MEGF8: variants seen among roughly 807,000 people sequenced by gnomAD.
MEGF8 encodes multiple EGF like domains 8, also known as multiple epidermal growth factor-like domains protein 8.
A neutral mutation model predicts 302.9 loss-of-function variants in MEGF8; 156 were observed. That is an observed-to-expected ratio of 0.52 (90% CI 0.45 to 0.59). The LOEUF is 0.59. Ranked by LOEUF, MEGF8 falls within the 20% of genes least tolerant of loss-of-function variation. MEGF8 has a pLI of 0.00. For missense variants in MEGF8, 3,345 were observed against 3,964.5 expected (o/e 0.84, Z 4.20); for synonymous variants, 1,621 against 1,660.5 (o/e 0.98, Z 0.58).
At chr19:42,370,595 C>T (rs2039671721) in intron 39 of MEGF8, 106 bp from the exon 40 acceptor site, 2 of 1,329,706 alleles carry the variant, frequency 1.5e-6, no homozygotes, top group South Asian at 1.4e-5. Context: ...GGAGCCTGGC[C>T]TCCTGGGTCT....
At chr19:42,341,074 T>TCC (rs934554235) in intron 8 of MEGF8, among the ~76,000 whole-genome samples, 3 of 152,060 alleles carry the variant, frequency 2.0e-5, no homozygotes, top group African/African-American at 7.2e-5. Context: ...CAAGCAGTCC[T>TCC]CCCACCTCTG....
chr19:42,333,750 C>T lies in MEGF8; in HGVS notation c.333C>T (p.Ile111=), dbSNP rs371108976. 647 of 1,613,896 alleles carry T rather than the reference C, an allele frequency of 4.0e-4. 4 individuals carry two copies. The South Asian group carries it at 6.4e-3, about 16-fold the overall frequency. Residue 111 remains isoleucine (I), a synonymous_variant, in exon 2 of 42, where the codon ATC becomes ATT. Transcript: ENST00000251268. ...GTGGGAGCACCCGACCTCCGCCCAT[C>T]GAAGCTTCCTCAGGCAAGGTTAGTG... The part of the protein sequence containing the change: ...SLSGSTRPPP[I]EASSGKMLLH...
At chr19:42,348,128 A>G in intron 12 of MEGF8, 144 bp from the exon 13 acceptor site, 1 of 731,310 alleles carries the variant, frequency 1.4e-6, no homozygotes, top group South Asian at 2.1e-5. Flanking sequence ...ACCTTTGACA[A>G]GCCACCTAAC....
chr19:42,347,453 G>A (rs2039306697), intron 12 of MEGF8, among the ~76,000 whole-genome samples: 4 of 151,818 alleles, frequency 2.6e-5, no homozygotes, highest in Non-Finnish European at 5.9e-5. Flanking sequence ...AAGTAGCTGG[G>A]ATTACAAACA....
chr19:42,337,530 C>T (rs1388862711), intron 8 of MEGF8, among the ~76,000 whole-genome samples: 7 of 133,566 alleles, frequency 5.2e-5, no homozygotes, highest in African/African-American at 8.6e-5. Context: ...TTTTTTGAGA[C>T]GGAGTCTCGC....
intron 9 of MEGF8, 77 bp downstream of exon 9, chr19:42,343,708 G>A: frequency 2.0e-6 from 3 of 1,474,270 alleles, no homozygotes; most frequent in Non-Finnish European, 2.7e-6. Flanking sequence ...GGGAAAGGCA[G>A]GAGGGGATCC....
rs2039111753 is a variant in MEGF8 at position 42,335,346 on chromosome 19, CG to C, written c.790del (p.Ala264ProfsTer9). On this transcript the variant is annotated frameshift_variant, in exon 5 of 42. Transcript: ENST00000251268. LOFTEE classifies it high-confidence loss of function. ...LGDLVLYNFS[A>X]NTWESWDLSP... is the part of the protein sequence containing the mutation. ...GTGACCTCGTCCTATACAACTTCTC[CG>C]CCAACACCTGGGAGTCTTGGGACCT... The C allele has an allele frequency of 1.2e-6, 2 of 1,613,866 alleles. No homozygotes were observed. The highest frequency in any genetic ancestry group is 1.7e-6 in the Non-Finnish European group (2 of 1,179,886).
chr19:42,375,916 C>T lies in MEGF8; in HGVS notation c.7679C>T (p.Ala2560Val). Residue 2560 changes from alanine to valine, a missense_variant, in exon 42 of 42, where the codon GCC (alanine) becomes GTC (valine). Physicochemically the swap from Ala to Val is moderately conservative, Grantham distance 64 (BLOSUM62 0). Coordinates refer to ENST00000251268, the MANE Select transcript of MEGF8 (RefSeq NM_001271938.2). The surrounding 1 kb of genome is among the most constrained non-coding windows in gnomAD (Gnocchi z 7.1). ...GGAGASSGPGAPAEPRVREVW... is the reference protein window; with the variant it reads ...GGAGASSGPGVPAEPRVREVW... ...GCAGGGGCCAGCAGTGGGCCGGGCG[C>T]CCCAGCAGAGCCACGGGTACGGGAG... 1 of 1,599,670 alleles carries T rather than the reference C, an allele frequency of 6.3e-7. No homozygotes were observed. The highest frequency in any genetic ancestry group is 8.5e-7 in the Non-Finnish European group (1 of 1,172,726).
At chr19:42,355,632 G>A (rs1031491040) in intron 23 of MEGF8, 126 bp from the exon 24 acceptor site, 1 of 1,342,684 alleles carries the variant, frequency 7.4e-7, no homozygotes, top group Non-Finnish European at 9.9e-7. Context: ...GTTCATCCTG[G>A]CGATGATTAT....
rs2147490882 is a variant in MEGF8, at chr19:42,359,227, C to T, written c.5473C>T (p.Leu1825=). 1 of 1,580,546 alleles carries T rather than the reference C, an allele frequency of 6.3e-7. No individual in the cohort carries two copies. The highest frequency in any genetic ancestry group is 8.6e-7 in the Non-Finnish European group (1 of 1,163,022). Reference sequence around the variant, plus strand: ...CCAGGTCAACTGCAATGCCTGGCTTCTGCCCGACCTCACCCGTAAGTCCCC... The same window carrying T: ...CCAGGTCAACTGCAATGCCTGGCTTTTGCCCGACCTCACCCGTAAGTCCCC... ...LYQVNCNAWL[L]PDLTRSASVG... is the part of the protein sequence containing the mutation. Residue 1825 remains leucine (L), a synonymous_variant, in exon 31 of 42, where the codon CTG becomes TTG. Coordinates refer to ENST00000251268, the MANE Select transcript of MEGF8 (RefSeq NM_001271938.2).
At chr19:42,365,300 T>C (rs1479225439) in intron 35 of MEGF8, among the ~76,000 whole-genome samples, 1 of 151,644 alleles carries the variant, frequency 6.6e-6, no homozygotes, top group Non-Finnish European at 1.5e-5. Flanking sequence ...CCTGAAGAGC[T>C]GGGGCAGCTA....
intron 13 of MEGF8, among the ~76,000 whole-genome samples, chr19:42,349,152 T>A (rs1028147983): frequency 2.6e-4 from 40 of 151,958 alleles, no homozygotes; most frequent in African/African-American, 9.2e-4. Flanking sequence ...ATACAAAAAT[T>A]AGCTGGCCAT....
intron 8 of MEGF8, among the ~76,000 whole-genome samples, chr19:42,341,472 T>A (rs577123625): frequency 4.5e-4 from 68 of 151,822 alleles, no homozygotes; most frequent in South Asian, 1.2e-3. Context: ...ACAGATTTTT[T>A]AAAATTTTTT....
chr19:42,368,672 C>A lies in MEGF8; in HGVS notation c.6481+10C>A. ...AGCGGCCCCCGTGATGGTGAGAGGG[C>A]TTTGGGCACTGGGGGAGAGGGGCTG... On this transcript the variant is annotated intron_variant, in intron 36 of 41. Coordinates refer to ENST00000251268, the MANE Select transcript of MEGF8 (RefSeq NM_001271938.2). This position sits in a 1 kb window ranked among gnomAD's most constrained non-coding sequence, Gnocchi z 4.9. 1.3e-6 allele frequency: 2 copies of A among 1,536,382 alleles called. No homozygotes were observed. The highest frequency in any genetic ancestry group is 8.8e-7 in the Non-Finnish European group (1 of 1,141,818).
chr19:42,334,084 G>C lies in MEGF8; in HGVS notation c.429G>C (p.Pro143=). The change falls in exon 3 of 42, where the codon CCG becomes CCC. Residue 143 remains proline, a synonymous_variant. Transcript: ENST00000251268. The part of the protein sequence containing the change: ...FNASFRFSLC[P]GGCQSHGQCQ... ...CCTCATTCCGCTTCTCCCTGTGCCC[G>C]GGTGGCTGCCAGAGCCACGGGCAGT... 1 of 1,613,486 alleles carries C rather than the reference G, an allele frequency of 6.2e-7. No individual in the cohort carries two copies. Among genetic ancestry groups the C allele is most frequent in the Non-Finnish European group, 8.5e-7 (1 of 1,179,824 alleles).
intron 41 of MEGF8, among the ~76,000 whole-genome samples, chr19:42,372,039 AAACAACAACAAC>A (rs59779006): frequency 1.9e-4 from 27 of 144,690 alleles, no homozygotes; most frequent in Non-Finnish European, 4.0e-4. Context: ...CTCTGTCTCA[AAACAACAACAAC>A]AACAACAACA....
intron 32 of MEGF8, among the ~76,000 whole-genome samples, chr19:42,361,827 C>T (rs1481105688): frequency 2.0e-5 from 3 of 152,078 alleles, no homozygotes; most frequent in Non-Finnish European, 2.9e-5. Context: ...GAGGAGGGGA[C>T]GGTCAGGGAG....
intron 32 of MEGF8, 57 bp from the exon 33 acceptor site, chr19:42,362,033 G>A: frequency 6.3e-7 from 1 of 1,596,670 alleles, no homozygotes; most frequent in Non-Finnish European, 8.5e-7. Context: ...CAGTGTCTGG[G>A]AGGCAGAAGG....
chr19:42,362,003 A>C, intron 32 of MEGF8, 87 bp from the exon 33 acceptor site: 1 of 1,545,128 alleles, frequency 6.5e-7, no homozygotes, highest in Non-Finnish European at 8.7e-7. Context: ...CTTGGGATGC[A>C]GGGTTGGGGG....
Sources: gnomAD v4.1 joint callset for allele counts (sites outside exome capture counted in the v4.1 genomes callset) on GRCh38, gnomAD v4.1.1 for gene constraint, Gnocchi (gnomAD v3.1) non-coding constraint, MANE v1.5 for transcripts, NCBI Gene and HGNC (gene_info 2026-07-23, HGNC 2026-07-21) for gene names.